SEMA6B: variants seen among roughly 807,000 people sequenced by gnomAD.
SEMA6B encodes semaphorin-6B.
In SEMA6B, 47 loss-of-function variants were observed where a neutral mutation model predicts 78.6. The ratio of observed to expected loss-of-function variants is 0.60; its 90% CI spans 0.47 to 0.76. SEMA6B has a LOEUF of 0.76. Ranked by LOEUF, SEMA6B falls within the 30% of genes least tolerant of loss-of-function variation. The pLI, the probability that SEMA6B is intolerant of heterozygous loss-of-function variation, is 0.00. For missense variants in SEMA6B, 1,213 were observed against 1,269.9 expected (o/e 0.96, Z 0.68); for synonymous variants, 632 against 592.2 (o/e 1.07, Z -0.98).
rs1977213981 is a variant in SEMA6B at position 4,548,010 on chromosome 19, C to T, written c.1601+17G>A. The T allele has an allele frequency of 6.5e-7, 1 of 1,529,736 alleles. No homozygotes were observed. The allele number at this position is 1,529,736 out of a possible 1,614,324, so 94.8% of individuals were successfully genotyped here. Reference sequence around the variant, plus strand: ...CCCTTGCTTCCCGCCCACGGCTGGCCTGGGGTGGACACTCACTTCATACAC... The same window carrying T: ...CCCTTGCTTCCCGCCCACGGCTGGCTTGGGGTGGACACTCACTTCATACAC... On this transcript the variant is annotated intron_variant, in intron 14 of 16. Transcript: ENST00000586582.
At position 4,550,230 on chromosome 19, in the gene SEMA6B, G is replaced by A. The variant is rs1048361636; in HGVS notation, c.1164C>T (p.Ser388=). The A allele has an allele frequency of 1.2e-6, 2 of 1,613,672 alleles. No individual in the cohort carries two copies. The highest frequency in any genetic ancestry group is 1.1e-5 in the South Asian group (1 of 91,084). Residue 388 remains serine, a synonymous_variant, in exon 12 of 17, where the codon TCC becomes TCT. Transcript: ENST00000586582. The surrounding 1 kb of genome is among the most constrained non-coding windows in gnomAD (Gnocchi z 6.6). The stretch of plus-strand genomic sequence containing the variant: ...TGAGGATGTCATCCGGCAAGGCGCT[G>A]GAGGCATTGTACTGCATCCCGGGGG... ...CAAPGMQYNA[S]SALPDDILNF... is the part of the protein sequence containing the mutation.
At chr19:4,554,500 C>T in intron 8 of SEMA6B, 24 bp from the exon 9 acceptor site, 5 of 1,587,580 alleles carry the variant, frequency 3.1e-6, no homozygotes, top group Non-Finnish European at 4.3e-6. Flanking sequence ...GGGGTCAGAA[C>T]TCAGCCCCTG....
chr19:4,547,264 C>T (rs951918225), intron 14 of SEMA6B, among the ~76,000 whole-genome samples: 2 of 152,194 alleles, frequency 1.3e-5, no homozygotes, highest in African/African-American at 4.8e-5. Context: ...GCTACCAAGC[C>T]CAGTCCCTCT....
intron 10 of SEMA6B, among the ~76,000 whole-genome samples, chr19:4,551,860 CA>C (rs1177082706): frequency 6.6e-6 from 1 of 151,482 alleles, no homozygotes; most frequent in African/African-American, 2.4e-5. Flanking sequence ...AACAAACAAA[CA>C]AACAAAAAAT....
chr19:4,546,381 TC>T lies in SEMA6B; in HGVS notation c.1679+10del, dbSNP rs1977167057. On this transcript the variant is annotated intron_variant, in intron 15 of 16. Coordinates refer to ENST00000586582, the MANE Select transcript of SEMA6B (RefSeq NM_032108.4). ...GACACACCCTCCACCCACCTCCCTC[TC>T]CCGCAGTACCTGGTGCCCGGGCTGA... 5.7e-6 allele frequency: 9 copies of T among 1,584,310 alleles called. No homozygotes were observed. The highest frequency in any genetic ancestry group is 7.7e-6 in the Non-Finnish European group (9 of 1,164,752).
chr19:4,558,241 A>C lies in SEMA6B; in HGVS notation c.122-92T>G. The C allele has an allele frequency of 1.5e-6, 2 of 1,314,098 alleles. No homozygotes were observed. The highest frequency in any genetic ancestry group is 2.0e-6 in the Non-Finnish European group (2 of 1,021,126). The allele number at this position is 1,314,098 out of a possible 1,614,324, so 81.4% of individuals were successfully genotyped here. On this transcript the variant is annotated intron_variant, in intron 2 of 16. Coordinates refer to ENST00000586582, the MANE Select transcript of SEMA6B (RefSeq NM_032108.4). This position sits in a 1 kb window ranked among gnomAD's most constrained non-coding sequence, Gnocchi z 5.1. ...TGCCCCTTCTAGGGGTGGCTCCTGGACTGCTTGAGTCCCCCAGTGGGGGCA... is the reference window on the plus strand; with the variant it reads ...TGCCCCTTCTAGGGGTGGCTCCTGGCCTGCTTGAGTCCCCCAGTGGGGGCA...
chr19:4,556,710 T>C (rs1399770131), intron 5 of SEMA6B, among the ~76,000 whole-genome samples: 1 of 150,820 alleles, frequency 6.6e-6, no homozygotes, highest in Non-Finnish European at 1.5e-5. Flanking sequence ...GGCGTGGTTA[T>C]GGATAATTGT....
At chr19:4,548,198 C>G in intron 13 of SEMA6B, 25 bp from the exon 14 acceptor site, 1 of 1,588,700 alleles carries the variant, frequency 6.3e-7, no homozygotes, top group Non-Finnish European at 8.6e-7. Context: ...AGTGGTGAGG[C>G]TGAGCGCATC....
At position 4,558,007 on chromosome 19, in the gene SEMA6B, T is replaced by C; in HGVS notation, c.245+19A>G. 1 of 1,379,440 alleles carries C rather than the reference T, an allele frequency of 7.2e-7. No homozygotes were observed. The highest frequency in any genetic ancestry group is 2.8e-5 in the East Asian group (1 of 35,226). 85.5% of individuals were successfully genotyped at this position (1,379,440 alleles called of 1,614,324 possible). On this transcript the variant is annotated intron_variant, in intron 3 of 16. Transcript: ENST00000586582. The surrounding 1 kb of genome is among the most constrained non-coding windows in gnomAD (Gnocchi z 5.1). ...CATTCTGCTCGTCACACAGGCCTCC[T>C]TGCTGTCCCCAGCAATACCTGTCCC... is the stretch of plus-strand genomic sequence containing the variant.
At chr19:4,546,534 G>T in intron 14 of SEMA6B, 65 bp from the exon 15 acceptor site, 1 of 1,111,270 alleles carries the variant, frequency 9.0e-7, no homozygotes. Context: ...CAATGGTGAT[G>T]GTGACCTGTG....
chr19:4,557,222 C>A lies in SEMA6B; in HGVS notation c.247G>T (p.Asp83Tyr). 1 of 1,577,184 alleles carries A rather than the reference C, an allele frequency of 6.3e-7. No homozygotes were observed. The highest frequency in any genetic ancestry group is 8.6e-7 in the Non-Finnish European group (1 of 1,162,098). ...VNRTLFIGDR[D>Y]NLYRVELEPP... is the part of the protein sequence containing the mutation. ...TCCAGCTCTACGCGGTAGAGGTTGT[C>A]CCTGGGGGAGGGGCATAGTTAGTGA... The change falls in exon 4 of 17, where the codon GAC becomes TAC. Residue 83 changes from aspartate to tyrosine, a missense_variant and splice_region_variant. By Grantham distance (160) the Asp-to-Tyr change is radical. Coordinates refer to ENST00000586582, the MANE Select transcript of SEMA6B (RefSeq NM_032108.4).
intron 14 of SEMA6B, among the ~76,000 whole-genome samples, chr19:4,547,089 A>C (rs1468873494): frequency 6.6e-6 from 1 of 151,282 alleles, no homozygotes; most frequent in Non-Finnish European, 1.5e-5. Flanking sequence ...CTTTCTGGGT[A>C]GCTGGGACCA....
Position 4,543,108 on chromosome 19 carries a change from C to T in SEMA6B, c.*493G>A. On this transcript the variant is annotated 3_prime_UTR_variant, in exon 17 of 17. Coordinates refer to ENST00000586582, the MANE Select transcript of SEMA6B (RefSeq NM_032108.4). Reference sequence around the variant, plus strand: ...ACACACACGCCCACCTCCCCGGCCCCTTGCACACGAACACGGCACGCACAC... The same window carrying T: ...ACACACACGCCCACCTCCCCGGCCCTTTGCACACGAACACGGCACGCACAC... The T allele has an allele frequency of 4.8e-6, 3 of 626,830 alleles. No homozygotes were observed. Among genetic ancestry groups the T allele is most frequent in the Non-Finnish European group, 8.6e-6 (3 of 347,154 alleles). 38.8% of individuals were successfully genotyped at this position (626,830 alleles called of 1,614,324 possible). A position where few individuals can be genotyped will look rare whatever the true frequency, so the allele number is the denominator to read the frequency against.
At chr19:4,553,750 G>A (rs1451387954) in intron 9 of SEMA6B, among the ~76,000 whole-genome samples, 3 of 133,720 alleles carry the variant, frequency 2.2e-5, no homozygotes, top group African/African-American at 8.9e-5. Context: ...GTGGGTGGGT[G>A]TGTTGGTGGA....
intron 9 of SEMA6B, among the ~76,000 whole-genome samples, chr19:4,553,672 GTGGA>G (rs1977394653): frequency 7.0e-6 from 1 of 142,836 alleles, no homozygotes; most frequent in East Asian, 2.3e-4. Context: ...GAATGGATGG[GTGGA>G]TGGATTGGCA....
intron 12 of SEMA6B, 50 bp from the exon 13 acceptor site, chr19:4,548,495 C>T (rs1460264328): frequency 6.5e-7 from 1 of 1,548,116 alleles, no homozygotes; most frequent in Non-Finnish European, 8.8e-7. Context: ...TCACCACATG[C>T]CACCAACACG....
At position 4,548,003 on chromosome 19, in the gene SEMA6B, G is replaced by A. The variant is rs4807602; in HGVS notation, c.1601+24C>T. 0.52 allele frequency: 786,874 copies of A among 1,515,502 alleles called. 208,130 individuals are homozygous for A. Among genetic ancestry groups the A allele is most frequent in the East Asian group, 0.85 (37,294 of 43,632 alleles). 93.9% of individuals were successfully genotyped at this position (1,515,502 alleles called of 1,614,324 possible). On this transcript the variant is annotated intron_variant, in intron 14 of 16. Coordinates refer to ENST00000586582, the MANE Select transcript of SEMA6B (RefSeq NM_032108.4). ...CCATCCTCCCTTGCTTCCCGCCCAC[G>A]GCTGGCCTGGGGTGGACACTCACTT...
chr19:4,554,296 C>T (rs1037834956), intron 9 of SEMA6B, 92 bp downstream of exon 9: 2 of 1,012,358 alleles, frequency 2.0e-6, no homozygotes, highest in African/African-American at 1.6e-5. Context: ...AGGACCCTCT[C>T]ACCCCATGCA....
chr19:4,554,399 A>G lies in SEMA6B; in HGVS notation c.760T>C (p.Tyr254His). The stretch of plus-strand genomic sequence containing the variant: ...TGCACCGGCCTCACCTTCTCCAGGT[A>G]GTTAAACTCCATCGCAATCTCCCGG... ...FFREIAMEFNYLEKVVVSRVA... is the reference protein window; with the variant it reads ...FFREIAMEFNHLEKVVVSRVA... Residue 254 changes from tyrosine (Y) to histidine (H), a missense_variant, in exon 9 of 17, where the codon TAC becomes CAC. By Grantham distance (83) the Tyr-to-His change is moderately conservative. Coordinates refer to ENST00000586582, the MANE Select transcript of SEMA6B (RefSeq NM_032108.4). The G allele has an allele frequency of 9.3e-6, 15 of 1,613,400 alleles. No homozygotes were observed. Among genetic ancestry groups the G allele is most frequent in the African/African-American group, 1.3e-5 (1 of 75,008 alleles).
Sources: gnomAD v4.1 joint callset for allele counts (sites outside exome capture counted in the v4.1 genomes callset) on GRCh38, gnomAD v4.1.1 for gene constraint, Gnocchi (gnomAD v3.1) non-coding constraint, MANE v1.5 for transcripts, NCBI Gene and HGNC (gene_info 2026-07-23, HGNC 2026-07-21) for gene names.